Variants in KCTD15 observed in about 807,000 individuals in gnomAD.
KCTD15 encodes the protein BTB/POZ domain-containing protein KCTD15.
A neutral mutation model predicts 27.2 loss-of-function variants in KCTD15; 11 were observed. That is an observed-to-expected ratio of 0.41 (90% CI 0.25 to 0.67). The LOEUF (loss-of-function observed/expected upper bound fraction) is 0.67, where lower values mean the gene tolerates loss of function less well. KCTD15 is among the 30% of genes least tolerant of loss of function. The pLI, the probability that KCTD15 is intolerant of heterozygous loss-of-function variation, is 0.35. For missense variants in KCTD15, 350 were observed against 409.3 expected (o/e 0.86, Z 1.25); for synonymous variants, 163 against 176.0 (o/e 0.93, Z 0.58).
rs1975491969 is a variant in KCTD15, at chr19:33,800,475, G to A, written c.21G>A (p.Arg7=). 10 of 1,605,634 alleles carry A rather than the reference G, an allele frequency of 6.2e-6. No homozygotes were observed. Among genetic ancestry groups the A allele is most frequent in the Non-Finnish European group, 8.5e-6 (10 of 1,177,254 alleles). MPHRKE[R]PSGSSLHTHG... ...CCTAGATGCCTCACCGCAAGGAGCGGCCGAGCGGGTCCTCGCTTCACACAC... is the reference window on the plus strand; with the variant it reads ...CCTAGATGCCTCACCGCAAGGAGCGACCGAGCGGGTCCTCGCTTCACACAC... The change falls in exon 3 of 7, where the codon CGG becomes CGA. Residue 7 remains arginine, a synonymous_variant. Coordinates refer to ENST00000683859, the MANE Select transcript of KCTD15 (RefSeq NM_001129994.2).
At chr19:33,809,451 C>T (rs1011325982) in intron 5 of KCTD15, among the ~76,000 whole-genome samples, 3 of 152,120 alleles carry the variant, frequency 2.0e-5, no homozygotes, top group Non-Finnish European at 4.4e-5. Flanking sequence ...AGTTGAGGCC[C>T]GGGGTGGACC....
upstream of KCTD15, among the ~76,000 whole-genome samples, chr19:33,795,765 G>C (rs1343403336): frequency 6.6e-6 from 1 of 152,138 alleles, no homozygotes; most frequent in African/African-American, 2.4e-5. Flanking sequence ...GGGGCGTCCG[G>C]GGCGCGGACC....
chr19:33,811,497 C>G lies in KCTD15; in HGVS notation c.638C>G (p.Pro213Arg), dbSNP rs1373789773. 1.2e-6 allele frequency: 2 copies of G among 1,611,870 alleles called. No homozygotes were observed. The highest frequency in any genetic ancestry group is 2.2e-5 in the South Asian group (2 of 91,046). Reference sequence around the variant, plus strand: ...GTCAACGCCGGCTGGAACCAGGACCCCACGCACGTCATCCGCTTCCCGCTC... The same window carrying G: ...GTCAACGCCGGCTGGAACCAGGACCGCACGCACGTCATCCGCTTCCCGCTC... The part of the protein sequence containing the change: ...NSVNAGWNQD[P>R]THVIRFPLNG... The change falls in exon 6 of 7, where the codon CCC becomes CGC. Residue 213 changes from proline (P) to arginine (R), a missense_variant. Physicochemically the swap from Pro to Arg is moderately radical, Grantham distance 103. Around this residue, in one of 3 missense-constraint regions of KCTD15, gnomAD observed 219 missense variants for 234.9 expected, o/e 0.93. Transcript: ENST00000683859.
At chr19:33,809,183 A>G (rs1012810126) in intron 5 of KCTD15, among the ~76,000 whole-genome samples, 10 of 152,112 alleles carry the variant, frequency 6.6e-5, no homozygotes, top group Admixed American at 6.5e-4. Context: ...AGACTGAGAC[A>G]GGAGAATTGC....
chr19:33,811,527 G>T lies in KCTD15; in HGVS notation c.668G>T (p.Gly223Val), dbSNP rs1474566502. 2.5e-6 allele frequency: 4 copies of T among 1,607,904 alleles called. No homozygotes were observed. Among genetic ancestry groups the T allele is most frequent in the Non-Finnish European group, 3.4e-6 (4 of 1,176,110 alleles). The part of the protein sequence containing the change: ...PTHVIRFPLN[G>V]YCRLNSVQVL... ...CACGTCATCCGCTTCCCGCTCAATGGCTACTGCCGGCTCAACTCGGTACAG... is the reference window on the plus strand; with the variant it reads ...CACGTCATCCGCTTCCCGCTCAATGTCTACTGCCGGCTCAACTCGGTACAG... Residue 223 changes from glycine (G) to valine (V), a missense_variant, in exon 6 of 7, where the codon GGC (glycine) becomes GTC (valine). By Grantham distance (109) the Gly-to-Val change is moderately radical. This residue lies in a region of KCTD15 where 219 missense variants were observed against 234.9 expected (regional missense o/e 0.93). Coordinates refer to ENST00000683859, the MANE Select transcript of KCTD15 (RefSeq NM_001129994.2).
intron 2 of KCTD15, among the ~76,000 whole-genome samples, chr19:33,800,020 TC>T (rs1156698564): frequency 6.6e-6 from 1 of 152,148 alleles, no homozygotes; most frequent in Non-Finnish European, 1.5e-5. Flanking sequence ...TGAGCCTTGG[TC>T]CACAAGGCTG....
At chr19:33,811,203 C>A in intron 5 of KCTD15, 44 bp from the exon 6 acceptor site, 2 of 1,397,178 alleles carry the variant, frequency 1.4e-6, no homozygotes, top group South Asian at 1.4e-5. Flanking sequence ...CCCCACCACC[C>A]CTACTCCGAC....
intron 2 of KCTD15, among the ~76,000 whole-genome samples, chr19:33,799,163 T>C (rs1178246603): frequency 2.6e-5 from 4 of 152,206 alleles, no homozygotes; most frequent in Non-Finnish European, 5.9e-5. Flanking sequence ...TAAACATCAC[T>C]GTCTGCCCAT....
chr19:33,803,993 T>G (rs962795318), intron 4 of KCTD15, among the ~76,000 whole-genome samples: 3 of 152,254 alleles, frequency 2.0e-5, no homozygotes, highest in Admixed American at 2.0e-4. Flanking sequence ...CATGGAGGAC[T>G]TCGGAAGCCG....
chr19:33,804,080 G>A (rs1002775913), intron 4 of KCTD15, among the ~76,000 whole-genome samples: 5 of 152,206 alleles, frequency 3.3e-5, no homozygotes, highest in Admixed American at 6.5e-5. Context: ...CCCTGACAGA[G>A]CTGGGAACTC....
rs759621741 is a variant in KCTD15, at chr19:33,800,477, C to T, written c.23C>T (p.Pro8Leu). The change falls in exon 3 of 7, where the codon CCG becomes CTG. Residue 8 changes from proline (P) to leucine (L), a missense_variant. Around this residue, in one of 3 missense-constraint regions of KCTD15, gnomAD observed 77 missense variants for 72.7 expected, o/e 1.06. Coordinates refer to ENST00000683859, the MANE Select transcript of KCTD15 (RefSeq NM_001129994.2). MPHRKER[P>L]SGSSLHTHGS... ...TAGATGCCTCACCGCAAGGAGCGGC[C>T]GAGCGGGTCCTCGCTTCACACACAC... The T allele has an allele frequency of 3.3e-5, 53 of 1,605,484 alleles. No individual in the cohort carries two copies. Among genetic ancestry groups the T allele is most frequent in the African/African-American group, 4.0e-5 (3 of 74,878 alleles).
intron 4 of KCTD15, 33 bp downstream of exon 4, chr19:33,801,375 T>G: frequency 1.3e-6 from 2 of 1,571,970 alleles, no homozygotes; most frequent in Non-Finnish European, 1.7e-6. Flanking sequence ...ATCAGGCATG[T>G]GTGGGTCAGG....
Position 33,813,300 on chromosome 19 carries a change from C to A in KCTD15, c.*352C>A, listed in dbSNP as rs773128887. 2.2e-5 allele frequency: 12 copies of A among 554,140 alleles called. No homozygotes were observed. The highest frequency in any genetic ancestry group is 4.4e-5 in the Admixed American group (2 of 45,202). 34.3% of individuals were successfully genotyped at this position (554,140 alleles called of 1,614,324 possible). ...CAGCTACTTCAGAGGAGCTGTTTAT[C>A]CCTCTCCACGCGGGGCAGACTCTGG... On this transcript the variant is annotated 3_prime_UTR_variant, in exon 7 of 7. Coordinates refer to ENST00000683859, the MANE Select transcript of KCTD15 (RefSeq NM_001129994.2).
Sources: gnomAD v4.1 joint callset for allele counts (sites outside exome capture counted in the v4.1 genomes callset) on GRCh38, gnomAD v4.1.1 for gene constraint, gnomAD v4.1.1 regional missense constraint, MANE v1.5 for transcripts, NCBI Gene and HGNC (gene_info 2026-07-23, HGNC 2026-07-21) for gene names.